Variants in IRF4 observed in about 807,000 individuals in gnomAD.
IRF4 encodes the protein lymphocyte-specific interferon regulatory factor.
IRF4 carries 13 observed loss-of-function variants against 55.5 expected under a neutral mutation model. The observed-to-expected ratio is 0.23, with a 90% CI of 0.15 to 0.37. The LOEUF (loss-of-function observed/expected upper bound fraction) is 0.37. Ranked by LOEUF, IRF4 falls within the 10% of genes least tolerant of loss-of-function variation. The pLI is 1.00. For missense variants in IRF4, 397 were observed against 593.8 expected, an observed-to-expected ratio of 0.67 and a Z score of 3.44; for synonymous variants, 249 against 240.7, an observed-to-expected ratio of 1.03 and a Z score of -0.32.
chr6:396,337 A>G (rs1761258138), intron 4 of IRF4, among the ~76,000 whole-genome samples: 1 of 152,242 alleles, frequency 6.6e-6, no homozygotes, highest in Non-Finnish European at 1.5e-5. Flanking sequence ...CCCCTGTGGT[A>G]CTTTTGGTGC....
rs917678238 is a variant in IRF4, at chr6:393,058, G to A, written c.-55-40G>A. ...GGGATCGGGGCGGGGTGCCCGGAGT[G>A]CGGTGCCTCGTGGCTGAAGGGCAGC... is the stretch of plus-strand genomic sequence containing the variant. On this transcript the variant is annotated intron_variant, in intron 1 of 8. Coordinates refer to ENST00000380956, the MANE Select transcript of IRF4 (RefSeq NM_002460.4). This position sits in a 1 kb window ranked among gnomAD's most constrained non-coding sequence, Gnocchi z 5.4. The A allele has an allele frequency of 8.5e-6, 10 of 1,171,986 alleles. No individual in the cohort carries two copies. In the African/African-American group the frequency reaches 1.5e-4, roughly 18 times the overall value. The allele number at this position is 1,171,986 out of a possible 1,614,324, so 72.6% of individuals were successfully genotyped here. A position where few individuals can be genotyped will look rare whatever the true frequency, so the allele number is the denominator to read the frequency against.
intron 7 of IRF4, among the ~76,000 whole-genome samples, chr6:403,321 A>T (rs1246072118): frequency 6.6e-6 from 1 of 152,258 alleles, no homozygotes; most frequent in Non-Finnish European, 1.5e-5. Flanking sequence ...AAGAGCTCAC[A>T]TGGGCCAGGA....
At chr6:406,946 A>T in intron 8 of IRF4, 1 of 1,005,970 alleles carries the variant, frequency 9.9e-7, no homozygotes. Context: ...ATTTGAGGCC[A>T]GTTAGCTTCT....
chr6:395,643 C>T (rs2127437273), intron 3 of IRF4, among the ~76,000 whole-genome samples: 1 of 152,266 alleles, frequency 6.6e-6, no homozygotes, highest in Admixed American at 6.5e-5. Context: ...CTGTCCTGTA[C>T]AACTCAGACC....
Position 410,667 on chromosome 6 carries a change from T to TTG in IRF4, c.*3076_*3077dup. On this transcript the variant is annotated 3_prime_UTR_variant, in exon 9 of 9. Coordinates refer to ENST00000380956, the MANE Select transcript of IRF4 (RefSeq NM_002460.4). ...GTTGATGCTCCGCCAGGAAGGCCAC[T>TTG]TGTGTGTGCGTGTCAGTTACTTTTT... 1 of 231,860 alleles carries TTG rather than the reference T, an allele frequency of 4.3e-6. No individual in the cohort carries two copies. Among genetic ancestry groups the TTG allele is most frequent in the Non-Finnish European group, 8.5e-6 (1 of 117,092 alleles). 14.4% of individuals were successfully genotyped at this position (231,860 alleles called of 1,614,324 possible).
chr6:411,316 G>A lies in IRF4; in HGVS notation c.*3718G>A, dbSNP rs1000192675. The A allele has an allele frequency of 1.8e-5, 4 of 223,836 alleles. No individual in the cohort carries two copies. Among genetic ancestry groups the A allele is most frequent in the African/African-American group, 8.9e-5 (4 of 44,798 alleles). 13.9% of individuals were successfully genotyped at this position (223,836 alleles called of 1,614,324 possible). ...TGTAGGAAAGGATGCTTCACAAACT[G>A]AGGTAGATAATGCTATGCTGTCGTT... On this transcript the variant is annotated 3_prime_UTR_variant, in exon 9 of 9. Coordinates refer to ENST00000380956, the MANE Select transcript of IRF4 (RefSeq NM_002460.4).
rs1406363302 is a variant in IRF4 at position 396,177 on chromosome 6, CTTCTGGGA to C, written c.492+243_492+250del. 69 of 510,798 alleles carry C rather than the reference CTTCTGGGA, an allele frequency of 1.4e-4. No individual in the cohort carries two copies. In the Admixed American group the frequency reaches 2.4e-3, roughly 18 times the overall value. The allele number at this position is 510,798 out of a possible 1,614,324, so 31.6% of individuals were successfully genotyped here. A position where few individuals can be genotyped will look rare whatever the true frequency, so the allele number is the denominator to read the frequency against. On this transcript the variant is annotated intron_variant, in intron 4 of 8. Transcript: ENST00000380956. Reference sequence around the variant, plus strand: ...GCCTGTTGGAATATGCTTCTCAGGTCTTCTGGGAAACAGATGTTTTGTGGAAGTGGAAG... The same window carrying C: ...GCCTGTTGGAATATGCTTCTCAGGTCAACAGATGTTTTGTGGAAGTGGAAG...
At chr6:391,854 CAG>C (rs750040883) in intron 1 of IRF4, 45 bp downstream of exon 1, 32 of 455,224 alleles carry the variant, frequency 7.0e-5, no homozygotes, top group African/African-American at 5.2e-4. Context: ...AGGCTGATAC[CAG>C]AGAGGACCCG....
intron 7 of IRF4, 180 bp downstream of exon 7, chr6:401,957 G>C (rs1761414005): frequency 1.6e-6 from 1 of 610,440 alleles, no homozygotes; most frequent in South Asian, 2.0e-5. Context: ...TGTGGGCAGA[G>C]AGTCCGGATC....
At chr6:395,959 C>G in intron 4 of IRF4, 24 bp downstream of exon 4, 5 of 1,582,892 alleles carry the variant, frequency 3.2e-6, no homozygotes, top group Non-Finnish European at 3.5e-6. Context: ...CACTGGGCTC[C>G]CTGAGGGCGA....
At chr6:394,604 C>G (rs1761206223) in intron 2 of IRF4, among the ~76,000 whole-genome samples, 1 of 152,106 alleles carries the variant, frequency 6.6e-6, no homozygotes. Flanking sequence ...AAAAAATTAG[C>G]CAGGCATGGT....
chr6:405,341 A>G (rs1473099410), intron 8 of IRF4, among the ~76,000 whole-genome samples: 1 of 152,236 alleles, frequency 6.6e-6, no homozygotes, highest in African/African-American at 2.4e-5. Flanking sequence ...TCTGCTCATC[A>G]AAGAACCAGG....
chr6:391,787 C>T lies in IRF4; in HGVS notation c.-78C>T, dbSNP rs1761108326. 6.6e-6 allele frequency: 3 copies of T among 456,262 alleles called. No homozygotes were observed. Among genetic ancestry groups the T allele is most frequent in the Non-Finnish European group, 1.3e-5 (3 of 226,958 alleles). 28.3% of individuals were successfully genotyped at this position (456,262 alleles called of 1,614,324 possible). Reference sequence around the variant, plus strand: ...CTCGATCTTGGGACCCACCGCTGCCCTCAGCTCCGAGTCCAGGGCGAGGTA... The same window carrying T: ...CTCGATCTTGGGACCCACCGCTGCCTTCAGCTCCGAGTCCAGGGCGAGGTA... On this transcript the variant is annotated 5_prime_UTR_variant, in exon 1 of 9. Transcript: ENST00000380956.
chr6:395,840 CAT>C lies in IRF4; in HGVS notation c.404-6_404-5del. 1 of 1,611,152 alleles carries C rather than the reference CAT, an allele frequency of 6.2e-7. No homozygotes were observed. Among genetic ancestry groups the C allele is most frequent in the Non-Finnish European group, 8.5e-7 (1 of 1,177,996 alleles). Reference sequence around the variant, plus strand: ...TTGTGCCATTTCCCTTTTCCCCAAACATGTAGGAGCCAAGCAGCTCACCCTGG... The same window carrying C: ...TTGTGCCATTTCCCTTTTCCCCAAACGTAGGAGCCAAGCAGCTCACCCTGG... On this transcript the variant is annotated splice_region_variant and splice_polypyrimidine_tract_variant and intron_variant, in intron 3 of 8. Transcript: ENST00000380956.
intron 7 of IRF4, among the ~76,000 whole-genome samples, chr6:404,347 G>A (rs572902341): frequency 7.9e-5 from 12 of 152,302 alleles, no homozygotes; most frequent in South Asian, 2.1e-4. Flanking sequence ...ATCCACAAGC[G>A]GGAGGCCAGG....
chr6:405,276 AT>A, intron 8 of IRF4, 146 bp downstream of exon 8: 1 of 614,044 alleles, frequency 1.6e-6, no homozygotes, highest in Non-Finnish European at 2.9e-6. Context: ...GGGAGGAAGC[AT>A]GGTCCAACGA....
chr6:406,856 G>A, intron 8 of IRF4: 8 of 1,109,292 alleles, frequency 7.2e-6, no homozygotes, highest in Non-Finnish European at 8.9e-6. Flanking sequence ...CTTAGATGCT[G>A]TAAATTCAGG....
intron 5 of IRF4, among the ~76,000 whole-genome samples, chr6:398,622 C>T (rs926148251): frequency 1.3e-5 from 2 of 152,220 alleles, no homozygotes; most frequent in African/African-American, 4.8e-5. Flanking sequence ...GCTCGTTTCT[C>T]CATCAGCTTT....
intron 1 of IRF4, among the ~76,000 whole-genome samples, chr6:392,479 C>T (rs571241297): frequency 2.0e-5 from 3 of 152,390 alleles, no homozygotes; most frequent in Admixed American, 1.3e-4. Context: ...GGGGCTGCAG[C>T]CCCCGCGTCT....
Sources: allele counts gnomAD v4.1 joint callset (sites outside exome capture counted in the v4.1 genomes callset), GRCh38; gene constraint gnomAD v4.1.1; non-coding constraint Gnocchi (gnomAD v3.1); transcripts MANE v1.5; gene names NCBI Gene and HGNC (gene_info 2026-07-23, HGNC 2026-07-21).